Variants in CRTC1 observed in about 807,000 individuals in gnomAD.
CRTC1 encodes CREB-regulated transcription coactivator 1.
In CRTC1, 18 loss-of-function variants were observed where a neutral mutation model predicts 66.1. That is an observed-to-expected ratio of 0.27 (90% CI 0.19 to 0.40). The LOEUF is 0.40. Among genes scored for constraint, CRTC1 ranks in the 10% least tolerant of loss-of-function variants. The pLI is 1.00. For missense variants in CRTC1, 669 were observed against 887.9 expected (o/e 0.75, Z 3.13); for synonymous variants, 416 against 398.8 (o/e 1.04, Z -0.51).
rs527266729 is a variant in CRTC1 at position 18,710,264 on chromosome 19, C to G, written c.126+26436C>G. ...ACCCAGCTGCCCGGCCCATGCCCAT[C>G]TGAGCCAGCACAGCTTGTCCTGGGC... On this transcript the variant is annotated intron_variant, in intron 1 of 13. Transcript: ENST00000321949. Among the ~76,000 whole-genome samples the G allele has an allele frequency of 1.5e-4, 23 of 152,350 alleles. No individual in the cohort carries two copies. In the South Asian group the frequency reaches 3.5e-3, roughly 23 times the overall value.
chr19:18,765,545 G>A lies in CRTC1; in HGVS notation c.1011+17G>A, dbSNP rs2054711760. ...ATCACTCAGGTGCGAGGGCAAGGTG[G>A]GGGGCAGGTGGGAGGGGGAAAGGGA... is the stretch of plus-strand genomic sequence containing the variant. On this transcript the variant is annotated intron_variant, in intron 9 of 13. Transcript: ENST00000321949. The A allele has an allele frequency of 2.5e-6, 4 of 1,593,332 alleles. No individual in the cohort carries two copies. Among genetic ancestry groups the A allele is most frequent in the African/African-American group, 2.7e-5 (2 of 74,760 alleles).
At chr19:18,743,208 C>T (rs552817914) in intron 2 of CRTC1, among the ~76,000 whole-genome samples, 182 bp downstream of exon 2, 9 of 152,262 alleles carry the variant, frequency 5.9e-5, no homozygotes, top group East Asian at 1.9e-4. Context: ...AGGGTGCCCC[C>T]GCAGCCCATT....
chr19:18,756,052 G>C (rs1416628551), intron 6 of CRTC1, among the ~76,000 whole-genome samples: 4 of 152,116 alleles, frequency 2.6e-5, no homozygotes. Flanking sequence ...AAGAACCCTA[G>C]GCCAGGTGCA....
chr19:18,706,486 C>T (rs1047464543), intron 1 of CRTC1, among the ~76,000 whole-genome samples: 4 of 152,006 alleles, frequency 2.6e-5, no homozygotes, highest in Admixed American at 6.6e-5. Flanking sequence ...GGATTATAGG[C>T]GTGAGCCACC....
chr19:18,759,016 G>A (rs1420540045), intron 6 of CRTC1, among the ~76,000 whole-genome samples: 3 of 152,196 alleles, frequency 2.0e-5, no homozygotes, highest in Admixed American at 6.5e-5. Flanking sequence ...ACAGCGTTGG[G>A]AGTGTCAAGA....
At position 18,741,876 on chromosome 19, in the gene CRTC1, C is replaced by T. The variant is rs1244699369; in HGVS notation, c.127-1034C>T. Among the ~76,000 whole-genome samples, 1 of 152,120 alleles carries T rather than the reference C, an allele frequency of 6.6e-6. No homozygotes were observed. Among genetic ancestry groups the T allele is most frequent in the Non-Finnish European group, 1.5e-5 (1 of 67,970 alleles). ...CTTCCGCCTCCGGTGTCCAGGGCCC[C>T]CTAGGAAGCTGGGGCGGTGGGGCAG... On this transcript the variant is annotated intron_variant, in intron 1 of 13. Coordinates refer to ENST00000321949, the MANE Select transcript of CRTC1 (RefSeq NM_015321.3). This position sits in a 1 kb window ranked among gnomAD's most constrained non-coding sequence, Gnocchi z 4.2.
intron 1 of CRTC1, among the ~76,000 whole-genome samples, chr19:18,718,016 AC>A (rs2053545799): frequency 6.6e-6 from 1 of 152,190 alleles, no homozygotes; most frequent in African/African-American, 2.4e-5. Context: ...ACACCACATA[AC>A]ATAAGATTCA....
chr19:18,765,413 C>T lies in CRTC1; in HGVS notation c.896C>T (p.Thr299Ile), dbSNP rs1408027329. 2 of 1,612,558 alleles carry T rather than the reference C, an allele frequency of 1.2e-6. No individual in the cohort carries two copies. The highest frequency in any genetic ancestry group is 2.7e-5 in the African/African-American group (2 of 74,948). The change falls in exon 9 of 14, where the codon ACA becomes ATA. Residue 299 changes from threonine to isoleucine, a missense_variant. By Grantham distance (89) the Thr-to-Ile change is moderately conservative (BLOSUM62 -1). Coordinates refer to ENST00000321949, the MANE Select transcript of CRTC1 (RefSeq NM_015321.3). Reference sequence around the variant, plus strand: ...CCTACTTCCTCTCTAGGAATGAGCACACCTGGCTCCTCTCCACAGCACCGC... The same window carrying T: ...CCTACTTCCTCTCTAGGAATGAGCATACCTGGCTCCTCTCCACAGCACCGC... ...GIGGAGQGMS[T>I]PGSSPQHRPA...
At position 18,768,694 on chromosome 19, in the gene CRTC1, G is replaced by T; in HGVS notation, c.1221G>T (p.Gly407=). The T allele has an allele frequency of 6.3e-7, 1 of 1,582,426 alleles. No individual in the cohort carries two copies. The highest frequency in any genetic ancestry group is 1.2e-5 in the South Asian group (1 of 86,408). Residue 407 remains glycine, a synonymous_variant, in exon 10 of 14, where the codon GGG becomes GGT. Coordinates refer to ENST00000321949, the MANE Select transcript of CRTC1 (RefSeq NM_015321.3). The surrounding 1 kb of genome is among the most constrained non-coding windows in gnomAD (Gnocchi z 5.6). ...PLLPSASLTR[G]PQPPPLAVTV... is the part of the protein sequence containing the mutation. ...TGCCCAGCGCCAGCCTGACTCGTGG[G>T]CCACAGCCGCCCCCGCTTGCAGTCA...
At chr19:18,691,070 T>G (rs948183462) in intron 1 of CRTC1, among the ~76,000 whole-genome samples, 7 of 145,550 alleles carry the variant, frequency 4.8e-5, no homozygotes, top group African/African-American at 2.5e-5. Context: ...GGAGTGGCGA[T>G]GCATGCCTTT....
At chr19:18,713,056 A>G (rs1278388274) in intron 1 of CRTC1, among the ~76,000 whole-genome samples, 1 of 146,092 alleles carries the variant, frequency 6.8e-6, no homozygotes, top group Non-Finnish European at 1.5e-5. Context: ...TCCTGTCTCT[A>G]TGGATTTGCC....
Position 18,781,495 on chromosome 19 carries a change from C to T in CRTC1, c.*4113C>T, listed in dbSNP as rs1401235639. On this transcript the variant is annotated 3_prime_UTR_variant, in exon 14 of 14. Coordinates refer to ENST00000321949, the MANE Select transcript of CRTC1 (RefSeq NM_015321.3). Reference sequence around the variant, plus strand: ...GGGTCCTGGCCAGGCAGGGGTCAGGCACCCCATACTCTTCCGTGTGGCACA... The same window carrying T: ...GGGTCCTGGCCAGGCAGGGGTCAGGTACCCCATACTCTTCCGTGTGGCACA... 3.9e-5 allele frequency: 9 copies of T among 229,430 alleles called. No individual in the cohort carries two copies. The highest frequency in any genetic ancestry group is 7.8e-5 in the Non-Finnish European group (9 of 115,722). 14.2% of individuals were successfully genotyped at this position (229,430 alleles called of 1,614,324 possible).
chr19:18,708,678 C>A (rs548931702), intron 1 of CRTC1, among the ~76,000 whole-genome samples: 1 of 152,152 alleles, frequency 6.6e-6, no homozygotes, highest in African/African-American at 2.4e-5. Flanking sequence ...CTCGGGGAGC[C>A]AAGTTTGAGA....
chr19:18,707,533 G>A (rs1192313865), intron 1 of CRTC1, among the ~76,000 whole-genome samples: 1 of 152,216 alleles, frequency 6.6e-6, no homozygotes. Flanking sequence ...ATAACAAAGT[G>A]TGAGTCCTCC....
At chr19:18,708,958 C>T (rs1348776682) in intron 1 of CRTC1, among the ~76,000 whole-genome samples, 2 of 152,206 alleles carry the variant, frequency 1.3e-5, no homozygotes, top group East Asian at 1.9e-4. Flanking sequence ...GTCCTGTCCT[C>T]CGTGGGGTGC....
rs111946952 is a variant in CRTC1, at chr19:18,736,715, G to A, written c.127-6195G>A. 4.0e-4 allele frequency among the ~76,000 whole-genome samples: 60 copies of A among 150,520 alleles called. 1 individual carries two copies. The highest frequency in any genetic ancestry group is 6.3e-4 in the Non-Finnish European group (43 of 68,000). On this transcript the variant is annotated intron_variant, in intron 1 of 13. Transcript: ENST00000321949. The stretch of plus-strand genomic sequence containing the variant: ...TTTGAAGCCTAGAGGTGGAGAGGGG[G>A]GGAAACTGAGGCCTGACTGGCACAG...
intron 1 of CRTC1, among the ~76,000 whole-genome samples, chr19:18,696,640 G>T (rs1252139885): frequency 1.3e-5 from 2 of 152,252 alleles, no homozygotes; most frequent in South Asian, 4.1e-4. Context: ...ATGTTCATCT[G>T]TTGAGAAGCA....
chr19:18,692,429 C>T (rs955390784), intron 1 of CRTC1, among the ~76,000 whole-genome samples: 1 of 152,032 alleles, frequency 6.6e-6, no homozygotes, highest in African/African-American at 2.4e-5. Flanking sequence ...GATGAAACCC[C>T]GTCTCTACTA....
intron 7 of CRTC1, 49 bp from the exon 8 acceptor site, chr19:18,759,959 A>T: frequency 8.3e-7 from 1 of 1,210,142 alleles, no homozygotes; most frequent in Non-Finnish European, 1.1e-6. Flanking sequence ...CCCCGCCGCC[A>T]GCCCCGCCCC....
Sources: allele counts gnomAD v4.1 joint callset (sites outside exome capture counted in the v4.1 genomes callset), GRCh38; gene constraint gnomAD v4.1.1; non-coding constraint Gnocchi (gnomAD v3.1); transcripts MANE v1.5; gene names NCBI Gene and HGNC (gene_info 2026-07-23, HGNC 2026-07-21).